Variants in PGAP1 observed in about 807,000 individuals in gnomAD.
The protein encoded by PGAP1 is post-GPI attachment to proteins inositol deacylase 1, also known as GPI inositol-deacylase.
A neutral mutation model predicts 127.0 loss-of-function variants in PGAP1; 76 were observed. The observed-to-expected ratio is 0.60, with a 90% CI of 0.50 to 0.72. The LOEUF (loss-of-function observed/expected upper bound fraction) is 0.72. Ranked by LOEUF, PGAP1 falls within the 30% of genes least tolerant of loss-of-function variation. PGAP1 has a pLI of 0.00. For missense variants in PGAP1, 982 were observed against 1,071.3 expected (o/e 0.92, Z 1.16); for synonymous variants, 362 against 366.5 (o/e 0.99, Z 0.14).
At chr2:196,924,353 T>C (rs1022801335) in intron 1 of PGAP1, among the ~76,000 whole-genome samples, 2 of 152,184 alleles carry the variant, frequency 1.3e-5, no homozygotes, top group Admixed American at 1.3e-4. Flanking sequence ...AAAATATAAT[T>C]AAAAGTAAGC....
chr2:196,917,677 C>T (rs1703061499), intron 2 of PGAP1, among the ~76,000 whole-genome samples: 3 of 152,066 alleles, frequency 2.0e-5, no homozygotes, highest in Admixed American at 6.6e-5. Context: ...GTACTTCATT[C>T]CTCTTTTTTA....
chr2:196,846,555 T>C (rs1187594272), intron 22 of PGAP1, among the ~76,000 whole-genome samples: 2 of 152,160 alleles, frequency 1.3e-5, no homozygotes, highest in Admixed American at 1.3e-4. Flanking sequence ...TAACTTCAGA[T>C]TCAAACTGTG....
chr2:196,880,276 T>C (rs1219275350), intron 12 of PGAP1, 123 bp from the exon 13 acceptor site: 6 of 579,648 alleles, frequency 1.0e-5, no homozygotes, highest in African/African-American at 2.0e-5. Flanking sequence ...CCAATTTATG[T>C]TCAGTACTTC....
In PGAP1 at chr2:196,881,807, C is replaced by T. The variant is rs535131545; in HGVS notation, c.1273-1654G>A. ...GAGTTTGCAAAATTTTTCTCCCATT[C>T]TGTAGGTTGTCTGTTCACTCTGTTG... On this transcript the variant is annotated intron_variant, in intron 12 of 26. Transcript: ENST00000354764. Among the ~76,000 whole-genome samples, 70 of 152,160 alleles carry T rather than the reference C, an allele frequency of 4.6e-4. 1 individual carries two copies. Among genetic ancestry groups the T allele is most frequent in the Non-Finnish European group, 7.4e-4 (50 of 68,014 alleles).
chr2:196,903,102 T>C (rs1238870947), intron 4 of PGAP1, among the ~76,000 whole-genome samples: 1 of 152,136 alleles, frequency 6.6e-6, no homozygotes, highest in Non-Finnish European at 1.5e-5. Context: ...CTTCGAAAGA[T>C]AAGAATTTAC....
At chr2:196,914,545 TAGG>T (rs1310093475) in intron 3 of PGAP1, among the ~76,000 whole-genome samples, 2 of 152,130 alleles carry the variant, frequency 1.3e-5, no homozygotes, top group East Asian at 3.9e-4. Flanking sequence ...CACTTGAACC[TAGG>T]AGGAGGAGGT....
intron 10 of PGAP1, among the ~76,000 whole-genome samples, chr2:196,889,861 A>G (rs923964399): frequency 6.7e-6 from 1 of 150,206 alleles, no homozygotes; most frequent in Non-Finnish European, 1.5e-5. Context: ...TCCGTCTCAA[A>G]AAAAAAAAAA....
At chr2:196,850,113 C>T (rs1700674253) in intron 20 of PGAP1, among the ~76,000 whole-genome samples, 1 of 152,184 alleles carries the variant, frequency 6.6e-6, no homozygotes, top group Non-Finnish European at 1.5e-5. Flanking sequence ...AGTGTTCCTG[C>T]ACCCAAGGCT....
At chr2:196,889,512 A>G (rs990937305) in intron 10 of PGAP1, among the ~76,000 whole-genome samples, 10 of 151,716 alleles carry the variant, frequency 6.6e-5, no homozygotes, top group African/African-American at 2.4e-4. Flanking sequence ...GAATCGTGAG[A>G]TATGCCAAAA....
Position 196,890,846 on chromosome 2 carries a change from A to G in PGAP1, c.1155T>C (p.Tyr385=), listed in dbSNP as rs1430249191. The G allele has an allele frequency of 1.3e-6, 2 of 1,539,202 alleles. No individual in the cohort carries two copies. Among genetic ancestry groups the G allele is most frequent in the African/African-American group, 1.4e-5 (1 of 73,254 alleles). ...ATCTTACCAGCATAGTGCTCTGACAATAGACATGAGTGTAGATTTTTCTAT... is the reference window on the plus strand; with the variant it reads ...ATCTTACCAGCATAGTGCTCTGACAGTAGACATGAGTGTAGATTTTTCTAT... ...ENHRKIYTHV[Y]CQSTMLDTNS... The change falls in exon 10 of 27, where the codon TAT becomes TAC. Residue 385 remains tyrosine (Y), a synonymous_variant. Coordinates refer to ENST00000354764, the MANE Select transcript of PGAP1 (RefSeq NM_024989.4).
chr2:196,872,695 G>T, intron 17 of PGAP1, 146 bp from the exon 18 acceptor site: 1 of 631,322 alleles, frequency 1.6e-6, no homozygotes, highest in Non-Finnish European at 2.8e-6. Context: ...CTTTTTCAAT[G>T]ATATCACAAT....
intron 1 of PGAP1, among the ~76,000 whole-genome samples, chr2:196,925,420 A>G (rs1331233994): frequency 6.6e-6 from 1 of 152,256 alleles, no homozygotes; most frequent in African/African-American, 2.4e-5. Flanking sequence ...AATATATGTT[A>G]TAGTGCATAT....
intron 1 of PGAP1, among the ~76,000 whole-genome samples, chr2:196,923,071 A>C (rs1382817367): frequency 6.6e-6 from 1 of 152,144 alleles, no homozygotes; most frequent in Non-Finnish European, 1.5e-5. Context: ...ATTCAAAAGG[A>C]TATACATTGA....
At chr2:196,886,637 T>C (rs1338769542) in intron 10 of PGAP1, among the ~76,000 whole-genome samples, 1 of 152,202 alleles carries the variant, frequency 6.6e-6, no homozygotes, top group Non-Finnish European at 1.5e-5. Flanking sequence ...GTCAAGCAAT[T>C]AAAAATAATT....
intron 20 of PGAP1, among the ~76,000 whole-genome samples, chr2:196,861,210 C>T (rs149534380): frequency 2.0e-5 from 3 of 152,102 alleles, no homozygotes; most frequent in East Asian, 1.9e-4. Context: ...ATTTAAAACC[C>T]GAAACGACGA....
At chr2:196,882,229 C>A (rs1391352221) in intron 12 of PGAP1, among the ~76,000 whole-genome samples, 1 of 152,112 alleles carries the variant, frequency 6.6e-6, no homozygotes, top group African/African-American at 2.4e-5. Flanking sequence ...TGTACCAGTA[C>A]CATGCTGTTT....
intron 9 of PGAP1, 90 bp downstream of exon 9, chr2:196,892,256 T>C: frequency 1.6e-6 from 1 of 620,374 alleles, no homozygotes; most frequent in Non-Finnish European, 2.8e-6. Context: ...CATGCAGTTA[T>C]CTTGTTTAAA....
intron 3 of PGAP1, 125 bp from the exon 4 acceptor site, chr2:196,913,178 A>C: frequency 1.3e-6 from 1 of 791,984 alleles, no homozygotes. Flanking sequence ...ATAACCTCCC[A>C]TCATAAGGTA....
chr2:196,863,943 C>A (rs1701153337), intron 20 of PGAP1, among the ~76,000 whole-genome samples: 1 of 152,102 alleles, frequency 6.6e-6, no homozygotes, highest in Admixed American at 6.6e-5. Context: ...ATGTTCCCAA[C>A]ACAAAGAAAT....
Sources: allele counts gnomAD v4.1 joint callset (sites outside exome capture counted in the v4.1 genomes callset), GRCh38; gene constraint gnomAD v4.1.1; transcripts MANE v1.5; gene names NCBI Gene and HGNC (gene_info 2026-07-23, HGNC 2026-07-21).